Variants in SMC3 observed in about 807,000 individuals in gnomAD.
SMC3 encodes structural maintenance of chromosomes protein 3.
A neutral mutation model predicts 171.8 loss-of-function variants in SMC3; 20 were observed. That is an observed-to-expected ratio of 0.12 (90% confidence interval 0.08 to 0.17). The LOEUF (loss-of-function observed/expected upper bound fraction) is 0.17, where lower values mean the gene tolerates loss of function less well. SMC3 is among the 10% of genes least tolerant of loss of function. The pLI is 1.00. For synonymous variants in SMC3, 464 were observed against 451.1 expected (o/e 1.03, Z -0.36); for missense variants, 543 against 1,420.4 (o/e 0.38, Z 9.93).
At chr10:110,582,958 G>T (rs1006016447) in intron 10 of SMC3, among the ~76,000 whole-genome samples, 9 of 141,248 alleles carry the variant, frequency 6.4e-5, no homozygotes, top group Admixed American at 2.9e-4. Context: ...GGAAGACAGG[G>T]TCTCACTCCA....
At chr10:110,591,272 C>G in intron 17 of SMC3, 140 bp downstream of exon 17, 1 of 870,080 alleles carries the variant, frequency 1.1e-6, no homozygotes, top group Non-Finnish European at 1.8e-6. Flanking sequence ...TCCCATGGAC[C>G]TTAGTGCTGA....
At chr10:110,593,657 A>ACATTCTG (rs1861245645) in intron 18 of SMC3, among the ~76,000 whole-genome samples, 1 of 152,028 alleles carries the variant, frequency 6.6e-6, no homozygotes, top group African/African-American at 2.4e-5. Context: ...TATTTTGGAG[A>ACATTCTG]CATTCTGGTT....
intron 17 of SMC3, among the ~76,000 whole-genome samples, chr10:110,591,783 C>A (rs1221902743): frequency 2.6e-5 from 4 of 152,120 alleles, no homozygotes; most frequent in Non-Finnish European, 5.9e-5. Flanking sequence ...TGAGAATGAT[C>A]AATAATTTAA....
At chr10:110,575,213 A>G in intron 3 of SMC3, 123 bp from the exon 4 acceptor site, 1 of 733,588 alleles carries the variant, frequency 1.4e-6, no homozygotes, top group Non-Finnish European at 2.4e-6. Flanking sequence ...GTCCATATGA[A>G]ACAGATAATT....
Position 110,577,433 on chromosome 10 carries a change from C to A in SMC3, c.211C>A (p.Pro71Thr). The A allele has an allele frequency of 1.2e-6, 2 of 1,612,168 alleles. No individual in the cohort carries two copies. The highest frequency in any genetic ancestry group is 1.7e-6 in the Non-Finnish European group (2 of 1,178,496). Residue 71 changes from proline (P) to threonine (T), a missense_variant, in exon 5 of 29, where the codon CCT (proline) becomes ACT (threonine). Pro to Thr is a conservative substitution (Grantham distance 38). This residue lies in a region of SMC3 where 146 missense variants were observed against 437.9 expected (regional missense o/e 0.33). Transcript: ENST00000361804. ...CTTTCATTTTTAGGAAGGTACTGGT[C>A]CTCGTGTTATTTCTGCTTTTGTGGA... is the stretch of plus-strand genomic sequence containing the variant. ...RLALLHEGTG[P>T]RVISAFVEII...
rs767437758 is a variant in SMC3 at position 110,599,619 on chromosome 10, T to G, written c.2269-35T>G. On this transcript the variant is annotated intron_variant, in intron 20 of 28. Transcript: ENST00000361804. ...TTTTCACTATAAGTAATACAGTGGC[T>G]AATACCTTACTAATAAATGGATAAT... 1.9e-5 allele frequency: 31 copies of G among 1,599,382 alleles called. 1 individual carries two copies. The Admixed American group carries it at 5.2e-4, about 27-fold the overall frequency.
At chr10:110,572,085 A>G (rs1042012964) in intron 2 of SMC3, among the ~76,000 whole-genome samples, 4 of 152,210 alleles carry the variant, frequency 2.6e-5, no homozygotes, top group Non-Finnish European at 5.9e-5. Flanking sequence ...AATTTCCCCA[A>G]TAAGAACTGT....
chr10:110,593,448 T>G (rs1258505313), intron 18 of SMC3, among the ~76,000 whole-genome samples: 1 of 152,080 alleles, frequency 6.6e-6, no homozygotes, highest in Non-Finnish European at 1.5e-5. Flanking sequence ...GGTGTGCACC[T>G]GTAGTCCCAG....
At chr10:110,578,388 C>G (rs2134720158) in intron 6 of SMC3, among the ~76,000 whole-genome samples, 2 of 152,308 alleles carry the variant, frequency 1.3e-5, no homozygotes, top group Middle Eastern at 3.4e-3. Flanking sequence ...TTATGATTTC[C>G]TTACAAAAGA....
chr10:110,568,731 C>A (rs535573932), intron 1 of SMC3, among the ~76,000 whole-genome samples: 1 of 151,372 alleles, frequency 6.6e-6, no homozygotes, highest in South Asian at 2.1e-4. Flanking sequence ...TAAAACCCAG[C>A]AGCATTGCCT....
chr10:110,568,217 C>CA, intron 1 of SMC3: 1 of 316,622 alleles, frequency 3.2e-6, no homozygotes, highest in Non-Finnish European at 5.9e-6. Flanking sequence ...GGGGTGGCCT[C>CA]ACACGGCCCA....
intron 18 of SMC3, among the ~76,000 whole-genome samples, chr10:110,594,479 T>C (rs1399599347): frequency 1.3e-5 from 2 of 152,158 alleles, no homozygotes; most frequent in Non-Finnish European, 2.9e-5. Flanking sequence ...TAGTCACAGA[T>C]ACTAATACTA....
chr10:110,577,205 G>A lies in SMC3; in HGVS notation c.199-216G>A, dbSNP rs543809982. Among the ~76,000 whole-genome samples, 9 of 152,052 alleles carry A rather than the reference G, an allele frequency of 5.9e-5. No individual in the cohort carries two copies. The East Asian group carries it at 9.7e-4, about 16-fold the overall frequency. ...AACGTCTCTGCTGTTTTGGCAAGAGGGATATATACTATAACTCTGGGGATA... is the reference window on the plus strand; with the variant it reads ...AACGTCTCTGCTGTTTTGGCAAGAGAGATATATACTATAACTCTGGGGATA... On this transcript the variant is annotated intron_variant, in intron 4 of 28. Transcript: ENST00000361804.
intron 15 of SMC3, 139 bp downstream of exon 15, chr10:110,590,130 A>G (rs1013060277): frequency 2.7e-6 from 2 of 737,006 alleles, no homozygotes. Context: ...TAAATATGAA[A>G]TGATAGAGAT....
At chr10:110,580,175 ATATGCAAATAC>A (rs1248188860) in intron 7 of SMC3, among the ~76,000 whole-genome samples, 2 of 150,664 alleles carry the variant, frequency 1.3e-5, no homozygotes, top group East Asian at 3.8e-4. Flanking sequence ...TGCATAGGTT[ATATGCAAATAC>A]TATGCCATTT....
chr10:110,568,678 G>C (rs1860821623), intron 1 of SMC3, among the ~76,000 whole-genome samples: 1 of 151,714 alleles, frequency 6.6e-6, no homozygotes, highest in Non-Finnish European at 1.5e-5. Context: ...TTTTGATTTT[G>C]AAAGGTCCTT....
At chr10:110,577,756 A>G in intron 5 of SMC3, 79 bp from the exon 6 acceptor site, 2 of 926,358 alleles carry the variant, frequency 2.2e-6, no homozygotes, top group African/African-American at 1.7e-5. Flanking sequence ...CTTATGGGCA[A>G]GGACTTTAAA....
In SMC3 at chr10:110,582,548, GT is replaced by G; in HGVS notation, c.724-6del. On this transcript the variant is annotated splice_polypyrimidine_tract_variant and intron_variant, in intron 9 of 28. Transcript: ENST00000361804. ...CAAAATGAGTTAGATATGATAAGTT[GT>G]TTTTTTTCTTAGCTTTCTGCTAAGC... The G allele has an allele frequency of 6.3e-7, 1 of 1,591,324 alleles. No individual in the cohort carries two copies. Among genetic ancestry groups the G allele is most frequent in the Non-Finnish European group, 8.6e-7 (1 of 1,160,238 alleles).
rs1373990160 is a variant in SMC3, at chr10:110,599,731, A to G, written c.2346A>G (p.Gly782=). 2 of 1,614,026 alleles carry G rather than the reference A, an allele frequency of 1.2e-6. No homozygotes were observed. Among genetic ancestry groups the G allele is most frequent in the Non-Finnish European group, 1.7e-6 (2 of 1,179,914 alleles). The change falls in exon 21 of 29, where the codon GGA becomes GGG. Residue 782 remains glycine (G), a synonymous_variant. Coordinates refer to ENST00000361804, the MANE Select transcript of SMC3 (RefSeq NM_005445.4). ...STRESLKAEL[G]TDLLSQLSLE... The stretch of plus-strand genomic sequence containing the variant: ...GAGAGTCATTGAAAGCAGAACTGGG[A>G]ACTGATTTGCTTTCTCAACTGAGTT...
Sources: allele counts gnomAD v4.1 joint callset (sites outside exome capture counted in the v4.1 genomes callset), GRCh38; gene constraint gnomAD v4.1.1; regional missense constraint gnomAD v4.1.1; transcripts MANE v1.5; gene names NCBI Gene and HGNC (gene_info 2026-07-23, HGNC 2026-07-21).